FRY: variants seen among roughly 807,000 people sequenced by gnomAD.
FRY encodes the protein protein furry homolog.
In FRY, 128 loss-of-function variants were observed where a neutral mutation model predicts 348.4. The ratio of observed to expected loss-of-function variants is 0.37; its 90% confidence interval spans 0.32 to 0.43. The LOEUF is 0.43. FRY is among the 20% of genes least tolerant of loss of function. The pLI is 1.00. For missense variants in FRY, 2,736 were observed against 3,695.2 expected, an observed-to-expected ratio of 0.74 and a Z score of 6.73; for synonymous variants, 1,370 against 1,374.7, an observed-to-expected ratio of 1.00 and a Z score of 0.08.
intron 11 of FRY, among the ~76,000 whole-genome samples, chr13:32,142,935 C>T (rs1439280379): frequency 1.3e-5 from 2 of 152,124 alleles, no homozygotes; most frequent in Non-Finnish European, 2.9e-5. Context: ...TTGGTAGCCT[C>T]TCCAGAGGAT....
At chr13:32,190,190 G>A (rs798957) in intron 28 of FRY, among the ~76,000 whole-genome samples, 61,551 of 151,044 alleles carry the variant, frequency 0.41, 12,745 homozygotes, top group African/African-American at 0.43. Context: ...CACCCTATGA[G>A]CACCATATTT....
intron 7 of FRY, among the ~76,000 whole-genome samples, chr13:32,126,044 A>G (rs972703605): frequency 6.6e-6 from 1 of 152,242 alleles, no homozygotes; most frequent in African/African-American, 2.4e-5. Flanking sequence ...TTCATGAATC[A>G]TTAAGAAAAA....
At chr13:32,244,876 A>G (rs954873636) in intron 47 of FRY, among the ~76,000 whole-genome samples, 7 of 152,208 alleles carry the variant, frequency 4.6e-5, no homozygotes, top group Admixed American at 2.6e-4. Flanking sequence ...TGGTATTTGG[A>G]TCCAAAGCCA....
intron 48 of FRY, 146 bp from the exon 49 acceptor site, chr13:32,249,380 T>G: frequency 1.2e-6 from 1 of 800,608 alleles, no homozygotes; most frequent in Non-Finnish European, 2.1e-6. Context: ...ACTTGCATGT[T>G]GAGAAAATGA....
chr13:32,039,870 C>T (rs147517825), intron 1 of FRY, among the ~76,000 whole-genome samples: 5 of 152,328 alleles, frequency 3.3e-5, no homozygotes, highest in African/African-American at 1.2e-4. Context: ...TTCAAATCTG[C>T]ATTAAGTGCT....
At chr13:32,243,233 GC>G (rs1326141418) in intron 46 of FRY, among the ~76,000 whole-genome samples, 12 of 152,068 alleles carry the variant, frequency 7.9e-5, no homozygotes, top group African/African-American at 2.9e-4. Context: ...ATCCTCCACT[GC>G]CTTTAAAAAT....
At chr13:32,147,506 T>A in intron 12 of FRY, 121 bp downstream of exon 12, 1 of 723,460 alleles carries the variant, frequency 1.4e-6, no homozygotes. Context: ...TTCTAAAAGA[T>A]CTAAGTCCTA....
intron 29 of FRY, among the ~76,000 whole-genome samples, chr13:32,194,605 A>G (rs964692437): frequency 4.6e-5 from 7 of 152,222 alleles, no homozygotes; most frequent in Admixed American, 4.6e-4. Flanking sequence ...AATTAAAGGA[A>G]TGTCTAGAAA....
At chr13:32,223,654 C>G (rs2138406831) in intron 36 of FRY, among the ~76,000 whole-genome samples, 1 of 152,240 alleles carries the variant, frequency 6.6e-6, no homozygotes, top group African/African-American at 2.4e-5. Flanking sequence ...GCTGTGGTGG[C>G]ACATGCCTAT....
In FRY at chr13:32,231,402, A is replaced by G. The variant is rs560937069; in HGVS notation, c.5527+102A>G. 3.5e-6 allele frequency: 4 copies of G among 1,129,114 alleles called. No homozygotes were observed. The African/African-American group carries it at 4.5e-5, about 13-fold the overall frequency. The allele number at this position is 1,129,114 out of a possible 1,614,324, so 69.9% of individuals were successfully genotyped here. A position where few individuals can be genotyped will look rare whatever the true frequency, so the allele number is the denominator to read the frequency against. ...GCGCCTTAAAACGGTCCTGCACTCC[A>G]CATCCATAGCACGAGCATATTCACA... On this transcript the variant is annotated intron_variant, in intron 41 of 60. Coordinates refer to ENST00000542859, the MANE Select transcript of FRY (RefSeq NM_023037.3).
intron 2 of FRY, among the ~76,000 whole-genome samples, chr13:32,080,823 A>G (rs1003366903): frequency 1.3e-5 from 2 of 152,270 alleles, no homozygotes; most frequent in South Asian, 2.1e-4. Flanking sequence ...AGCCCTAGAA[A>G]AGTGCAAAAA....
chr13:32,178,201 G>A lies in FRY; in HGVS notation c.2446G>A (p.Val816Met), dbSNP rs761377643. 1.2e-6 allele frequency: 2 copies of A among 1,614,200 alleles called. No individual in the cohort carries two copies. The highest frequency in any genetic ancestry group is 1.1e-5 in the South Asian group (1 of 91,088). Residue 816 changes from valine to methionine, a missense_variant, in exon 21 of 61, where the codon GTG (valine) becomes ATG (methionine). Transcript: ENST00000542859. The part of the protein sequence containing the change: ...DSATLPLTHN[V>M]DLQWLVEWNA... ...GGCAACATTACCACTCACCCACAAT[G>A]TGGATCTGCAGTGGTTGGTGGAATG... is the stretch of plus-strand genomic sequence containing the variant.
intron 41 of FRY, among the ~76,000 whole-genome samples, chr13:32,232,491 G>A (rs1197298555): frequency 6.6e-5 from 10 of 152,230 alleles, no homozygotes; most frequent in Admixed American, 6.5e-4. Flanking sequence ...ACAACAGAAG[G>A]TTATTCCTGG....
chr13:32,283,591 G>A (rs769878518), intron 58 of FRY, among the ~76,000 whole-genome samples: 10 of 152,182 alleles, frequency 6.6e-5, no homozygotes, highest in Non-Finnish European at 1.3e-4. Flanking sequence ...AATTCTCAGC[G>A]CATGTTCAAA....
chr13:32,274,655 G>A (rs1888417044), intron 55 of FRY, among the ~76,000 whole-genome samples, 187 bp from the exon 56 acceptor site: 1 of 128,078 alleles, frequency 7.8e-6, no homozygotes, highest in African/African-American at 3.0e-5. Context: ...AGTGAGCCGA[G>A]ATCGCGCCAC....
intron 29 of FRY, among the ~76,000 whole-genome samples, chr13:32,197,354 CA>C (rs1883736308): frequency 6.6e-6 from 1 of 152,160 alleles, no homozygotes; most frequent in Non-Finnish European, 1.5e-5. Context: ...CATCTATCAA[CA>C]AGGAAGACAG....
rs759692712 is a variant in FRY at position 32,262,322 on chromosome 13, T to C, written c.7626T>C (p.Thr2542=). Residue 2542 remains threonine, a synonymous_variant, in exon 53 of 61, where the codon ACT becomes ACC. Transcript: ENST00000542859. ...CTTTGCTTTTTAAACAGATCATGAC[T>C]CTCTCCCCCTCTGAAGAGACGAATC... The part of the protein sequence containing the change: ...QILEHSDLIM[T]LSPSEETNPM... 3.7e-6 allele frequency: 6 copies of C among 1,613,314 alleles called. No homozygotes were observed. The South Asian group carries it at 6.6e-5, about 18-fold the overall frequency.
At chr13:32,190,400 TG>T (rs1412582559) in intron 28 of FRY, among the ~76,000 whole-genome samples, 2 of 152,034 alleles carry the variant, frequency 1.3e-5, no homozygotes, top group Non-Finnish European at 2.9e-5. Flanking sequence ...CACAATTGTG[TG>T]TGTAGGAAAT....
At chr13:32,248,203 T>C (rs1886898724) in intron 48 of FRY, among the ~76,000 whole-genome samples, 1 of 152,222 alleles carries the variant, frequency 6.6e-6, no homozygotes. Flanking sequence ...CAGGGCTCAG[T>C]ACAACATCTG....
Sources: allele counts gnomAD v4.1 joint callset (sites outside exome capture counted in the v4.1 genomes callset), GRCh38; gene constraint gnomAD v4.1.1; transcripts MANE v1.5; gene names NCBI Gene and HGNC (gene_info 2026-07-23, HGNC 2026-07-21).